The following ZFYVE28 variants were observed in gnomAD, a reference collection of about 807,000 sequenced individuals.
The protein encoded by ZFYVE28 is zinc finger FYVE-type containing 28.
ZFYVE28 carries 40 observed loss-of-function variants against 82.1 expected under a neutral mutation model. That is an observed-to-expected ratio of 0.49 (90% CI 0.38 to 0.63). The LOEUF is 0.63. Ranked by LOEUF, ZFYVE28 falls within the 30% of genes least tolerant of loss-of-function variation. The pLI, the probability that ZFYVE28 is intolerant of heterozygous loss-of-function variation, is 0.00. For missense variants in ZFYVE28, 1,321 were observed against 1,242.1 expected, an observed-to-expected ratio of 1.06 and a Z score of -0.96; for synonymous variants, 612 against 546.1, an observed-to-expected ratio of 1.12 and a Z score of -1.68.
chr4:2,305,533 A>G lies in ZFYVE28; in HGVS notation c.807T>C (p.Asp269=). 3.1e-6 allele frequency: 5 copies of G among 1,612,898 alleles called. No individual in the cohort carries two copies. Among genetic ancestry groups the G allele is most frequent in the Non-Finnish European group, 4.2e-6 (5 of 1,179,994 alleles). ...CCTCCTCCGTCAGCGTCTGCAGCAA[A>G]TCCCTACGAATCAAGACAAAACCCA... ...PFHTLLRKIR[D]LLQTLTEEEL... is the part of the protein sequence containing the mutation. The change falls in exon 8 of 13, where the codon GAT becomes GAC. Residue 269 remains aspartate, a synonymous_variant. Transcript: ENST00000290974.
chr4:2,272,518 A>T (rs545342082), intron 10 of ZFYVE28, among the ~76,000 whole-genome samples: 8 of 152,032 alleles, frequency 5.3e-5, no homozygotes, highest in Non-Finnish European at 1.0e-4. Flanking sequence ...GTATGTGCAC[A>T]TGTGTGCATG....
chr4:2,335,769 G>A lies in ZFYVE28; in HGVS notation c.637C>T (p.Gln213Ter). The A allele has an allele frequency of 6.4e-7, 1 of 1,568,328 alleles. No homozygotes were observed. Among genetic ancestry groups the A allele is most frequent in the African/African-American group, 1.3e-5 (1 of 74,238 alleles). The change falls in exon 6 of 13, where the codon CAG (glutamine) becomes TAG (stop). Residue 213 changes from glutamine to a stop codon, truncating the protein, a stop_gained. Transcript: ENST00000290974. LOFTEE classifies it high-confidence loss of function. The surrounding 1 kb of genome is among the most constrained non-coding windows in gnomAD (Gnocchi z 5.8). The stretch of plus-strand genomic sequence containing the variant: ...GGCTCGTAGTCATCAATCATGTCCT[G>A]AGTCAGGTACCCGAAGTCCAGGGCC... Reference protein sequence around the residue: ...ERALDFGYLTQDMIDDYEPAL... With the variant: ...ERALDFGYLT
intron 8 of ZFYVE28, among the ~76,000 whole-genome samples, chr4:2,283,924 C>T (rs1387061219): frequency 6.6e-6 from 1 of 152,148 alleles, no homozygotes; most frequent in East Asian, 1.9e-4. Flanking sequence ...CTGGGAGAGA[C>T]CAGGCAGAGG....
chr4:2,330,767 C>A, intron 6 of ZFYVE28: 2 of 1,510,630 alleles, frequency 1.3e-6, no homozygotes, highest in South Asian at 2.5e-5. Context: ...GACAGTGTGG[C>A]AGTAGGGATA....
intron 8 of ZFYVE28, among the ~76,000 whole-genome samples, chr4:2,298,648 C>T (rs916428072): frequency 4.6e-5 from 7 of 152,174 alleles, no homozygotes; most frequent in Admixed American, 2.0e-4. Context: ...ATGCTGAGCA[C>T]GGTGGACAAG....
rs373846057 is a variant in ZFYVE28, at chr4:2,394,063, C to G, written c.39+24222G>C. Among the ~76,000 whole-genome samples the G allele has an allele frequency of 2.0e-4, 30 of 152,284 alleles. No individual in the cohort carries two copies. Among genetic ancestry groups the G allele is most frequent in the African/African-American group, 7.0e-4 (29 of 41,552 alleles). ...TACTTCCCGACGCACGGCCGCCTCC[C>G]GGACCTTCAGAGCCAGCGGCATTGC... is the stretch of plus-strand genomic sequence containing the variant. On this transcript the variant is annotated intron_variant, in intron 1 of 12. Transcript: ENST00000290974. This position sits in a 1 kb window ranked among gnomAD's most constrained non-coding sequence, Gnocchi z 4.0.
chr4:2,311,596 A>T (rs1406481287), intron 7 of ZFYVE28, among the ~76,000 whole-genome samples: 1 of 152,126 alleles, frequency 6.6e-6, no homozygotes. Context: ...TTTCATTGAC[A>T]TCTGTTCTTA....
Position 2,405,268 on chromosome 4 carries a change from G to A in ZFYVE28, c.39+13017C>T, listed in dbSNP as rs568084250. ...CGGCACCGCGAAGGGAAGATGGGGT[G>A]CACCGCCACCTGCTTTTCCATTCTC... On this transcript the variant is annotated intron_variant, in intron 1 of 12. Transcript: ENST00000290974. Among the ~76,000 whole-genome samples the A allele has an allele frequency of 1.3e-3, 198 of 152,324 alleles. 2 individuals are homozygous for A. In the Middle Eastern group the frequency reaches 0.024, roughly 18 times the overall value.
At chr4:2,403,893 C>T (rs192908602) in intron 1 of ZFYVE28, among the ~76,000 whole-genome samples, 65 of 149,722 alleles carry the variant, frequency 4.3e-4, no homozygotes, top group Middle Eastern at 3.5e-3. Flanking sequence ...AGCTTGAAAC[C>T]GAGAGGCAGA....
In ZFYVE28 at chr4:2,364,283, C is replaced by A. The variant is rs538912784; in HGVS notation, c.40-10210G>T. On this transcript the variant is annotated intron_variant, in intron 1 of 12. Transcript: ENST00000290974. ...GCTGAGCCCCCAGTCCCACCTACCC[C>A]CTGCAGGTGCCTGTGGGTGGACAGC... 1.2e-3 allele frequency among the ~76,000 whole-genome samples: 177 copies of A among 152,334 alleles called. 1 individual carries two copies. The highest frequency in any genetic ancestry group is 1.9e-3 in the Non-Finnish European group (129 of 68,026).
intron 7 of ZFYVE28, among the ~76,000 whole-genome samples, chr4:2,312,364 C>T (rs1050775880): frequency 6.6e-6 from 1 of 151,900 alleles, no homozygotes. Context: ...ATAGTGTGAT[C>T]CCATCTATAT....
chr4:2,277,009 G>T (rs749942881), intron 8 of ZFYVE28, among the ~76,000 whole-genome samples: 13 of 152,222 alleles, frequency 8.5e-5, no homozygotes, highest in South Asian at 8.3e-4. Flanking sequence ...AAAAAGAATT[G>T]GGGCAGGGAG....
Sources: allele counts gnomAD v4.1 joint callset (sites outside exome capture counted in the v4.1 genomes callset), GRCh38; gene constraint gnomAD v4.1.1; non-coding constraint Gnocchi (gnomAD v3.1); transcripts MANE v1.5; gene names NCBI Gene and HGNC (gene_info 2026-07-23, HGNC 2026-07-21).